The following NXPE2 variants were observed in gnomAD, a reference collection of about 807,000 sequenced individuals.
The protein encoded by NXPE2 is neurexophilin and PC-esterase domain family member 2.
Under a neutral mutation model 34.4 loss-of-function variants are expected in NXPE2, and 34 were observed. The observed-to-expected ratio is 0.99, with a 90% CI of 0.75 to 1.31. The LOEUF (loss-of-function observed/expected upper bound fraction) is 1.31, where lower values mean the gene tolerates loss of function less well. Ranked by LOEUF, NXPE2 falls within the 40% of genes most tolerant of loss-of-function variation. The pLI is 0.00. For synonymous variants in NXPE2, 235 were observed against 231.3 expected, an observed-to-expected ratio of 1.02 and a Z score of -0.15; for missense variants, 649 against 672.5, an observed-to-expected ratio of 0.97 and a Z score of 0.39.
chr11:114,724,875 T>C, the NXPE2 span, among the ~76,000 whole-genome samples: 3 of 145,502 alleles, frequency 2.1e-5, no homozygotes, highest in Non-Finnish European at 4.5e-5. Flanking sequence ...CCACGTAATA[T>C]TGCCTTCAGA....
At chr11:114,475,067 TA>T in the NXPE2 span, among the ~76,000 whole-genome samples, 4 of 152,228 alleles carry the variant, frequency 2.6e-5, no homozygotes, top group Admixed American at 1.3e-4. Context: ...CATTTTATTC[TA>T]AAAAACTTAG....
At chr11:114,571,928 GCTGGAGGC>G in the NXPE2 span, among the ~76,000 whole-genome samples, 1 of 152,216 alleles carries the variant, frequency 6.6e-6, no homozygotes, top group Admixed American at 6.5e-5. Flanking sequence ...CCACCTGCTG[GCTGGAGGC>G]CAACGAACAC....
the NXPE2 span, among the ~76,000 whole-genome samples, chr11:114,533,243 G>T: frequency 1.3e-5 from 2 of 152,066 alleles, no homozygotes; most frequent in Non-Finnish European, 2.9e-5. Context: ...GCAAGAAGCC[G>T]AATACAAAAC....
chr11:114,593,919 G>C, the NXPE2 span, among the ~76,000 whole-genome samples: 1 of 152,090 alleles, frequency 6.6e-6, no homozygotes, highest in Non-Finnish European at 1.5e-5. Context: ...AATAAGCTAG[G>C]CACAGAAGAC....
At chr11:114,771,390 G>C in the NXPE2 span, among the ~76,000 whole-genome samples, 1 of 149,648 alleles carries the variant, frequency 6.7e-6, no homozygotes, top group Non-Finnish European at 1.5e-5. Context: ...AGATAAAGGC[G>C]ACTTGTCAAG....
the NXPE2 span, chr11:114,571,034 G>A: frequency 1.2e-5 from 20 of 1,613,274 alleles, no homozygotes; most frequent in South Asian, 2.2e-4. Flanking sequence ...TTATATCCCA[G>A]GCATCAATGA....
chr11:114,567,351 C>T, the NXPE2 span, among the ~76,000 whole-genome samples: 2 of 151,964 alleles, frequency 1.3e-5, no homozygotes, highest in African/African-American at 4.8e-5. Context: ...TTGCCTGAAC[C>T]CTGCCTGGAC....
At chr11:114,611,338 C>G in the NXPE2 span, among the ~76,000 whole-genome samples, 1 of 150,220 alleles carries the variant, frequency 6.7e-6, no homozygotes, top group Non-Finnish European at 1.5e-5. Flanking sequence ...TAAGTATTGC[C>G]TCATGGGTAA....
At chr11:114,690,784 T>G (rs976449928) in intron 2 of NXPE2, among the ~76,000 whole-genome samples, 1 of 152,140 alleles carries the variant, frequency 6.6e-6, no homozygotes, top group Non-Finnish European at 1.5e-5. Flanking sequence ...TGTTCATTTT[T>G]AAAAATTATT....
the NXPE2 span, among the ~76,000 whole-genome samples, chr11:114,635,247 A>C: frequency 6.7e-6 from 1 of 150,120 alleles, no homozygotes; most frequent in African/African-American, 2.5e-5. Flanking sequence ...GAGTTCACTC[A>C]TGATTTGGCT....
intron 4 of NXPE2, 59 bp downstream of exon 4, chr11:114,704,111 T>G (rs1384742665): frequency 8.3e-7 from 1 of 1,204,844 alleles, no homozygotes; most frequent in Non-Finnish European, 1.2e-6. Flanking sequence ...AAGGACATGC[T>G]TACTTAGAGA....
chr11:114,773,570 T>G, the NXPE2 span, among the ~76,000 whole-genome samples: 2 of 152,134 alleles, frequency 1.3e-5, no homozygotes, highest in Non-Finnish European at 2.9e-5. Context: ...CTTCATGTCA[T>G]CCACTGGTAT....
chr11:114,495,582 T>C, the NXPE2 span, among the ~76,000 whole-genome samples: 1 of 151,652 alleles, frequency 6.6e-6, no homozygotes, highest in Admixed American at 6.6e-5. Flanking sequence ...GCAGAAGCAG[T>C]ATCTTCCTAT....
At chr11:114,662,650 T>G in the NXPE2 span, among the ~76,000 whole-genome samples, 1 of 151,880 alleles carries the variant, frequency 6.6e-6, no homozygotes, top group Non-Finnish European at 1.5e-5. Flanking sequence ...TTCCTTTGCT[T>G]GAGGGGAGGA....
At chr11:114,530,458 G>A in the NXPE2 span, 357 of 1,614,110 alleles carry the variant, frequency 2.2e-4, 1 homozygote, top group Non-Finnish European at 2.8e-4. Flanking sequence ...TCACTGGGGT[G>A]GATGAGCAGC....
chr11:114,744,194 A>C, the NXPE2 span, among the ~76,000 whole-genome samples: 2 of 152,110 alleles, frequency 1.3e-5, no homozygotes, highest in African/African-American at 2.4e-5. Context: ...CTTTTTCTTC[A>C]AAGTGTCTTT....
chr11:114,582,074 TA>T, the NXPE2 span, among the ~76,000 whole-genome samples: 1 of 152,166 alleles, frequency 6.6e-6, no homozygotes, highest in African/African-American at 2.4e-5. Flanking sequence ...ATTCTGTATA[TA>T]TTTTTTTCCC....
At chr11:114,571,429 G>T in the NXPE2 span, 1 of 1,610,740 alleles carries the variant, frequency 6.2e-7, no homozygotes, top group Non-Finnish European at 8.5e-7. Flanking sequence ...ACAGCAAGCT[G>T]GTGTTGCAAT....
At chr11:114,659,647 T>A in the NXPE2 span, among the ~76,000 whole-genome samples, 1 of 151,954 alleles carries the variant, frequency 6.6e-6, no homozygotes, top group Non-Finnish European at 1.5e-5. Context: ...AAATAATATA[T>A]CAAAATATGG....
Sources: gnomAD v4.1 joint callset for allele counts (sites outside exome capture counted in the v4.1 genomes callset) on GRCh38, gnomAD v4.1.1 for gene constraint, MANE v1.5 for transcripts, NCBI Gene and HGNC (gene_info 2026-07-23, HGNC 2026-07-21) for gene names.